RAVER1: variants seen among roughly 807,000 people sequenced by gnomAD.
RAVER1 encodes the protein ribonucleoprotein PTB-binding 1.
RAVER1 carries 36 observed loss-of-function variants against 68.4 expected under a neutral mutation model. The ratio of observed to expected loss-of-function variants is 0.53; its 90% CI spans 0.40 to 0.70. RAVER1 has a LOEUF of 0.70. Ranked by LOEUF, RAVER1 falls within the 30% of genes least tolerant of loss-of-function variation. RAVER1 has a pLI of 0.00. For missense variants in RAVER1, 933 were observed against 1,019.8 expected, an observed-to-expected ratio of 0.91 and a Z score of 1.16; for synonymous variants, 469 against 472.7, an observed-to-expected ratio of 0.99 and a Z score of 0.10.
In RAVER1 at chr19:10,320,655, C is replaced by T. The variant is rs770293462; in HGVS notation, c.1770G>A (p.Ser590=). 6.8e-5 allele frequency: 106 copies of T among 1,549,234 alleles called. No individual in the cohort carries two copies. In the East Asian group the frequency reaches 1.0e-3, roughly 15 times the overall value. Residue 590 remains serine (S), a splice_region_variant and synonymous_variant, in exon 9 of 13, where the codon TCG becomes TCA. Transcript: ENST00000617231. ...CAGAGAGCTGCAGCCAGGCACTCAC[C>T]GAGGGGTAGTCGAAGCTGTAGCTGT... ...LSDSYSFDYP[S]DMGPRRLFSH... is the part of the protein sequence containing the mutation.
rs1377348306 is a variant in RAVER1 at position 10,328,463 on chromosome 19, A to T, written c.756+179T>A. Among the ~76,000 whole-genome samples, 1 of 152,160 alleles carries T rather than the reference A, an allele frequency of 6.6e-6. No homozygotes were observed. The highest frequency in any genetic ancestry group is 1.5e-5 in the Non-Finnish European group (1 of 68,022). ...GCTACTCTGGAGGTTAAGGCAAGAG[A>T]ATTGCTTGAACCAAAGAGGCGGAGG... On this transcript the variant is annotated intron_variant, in intron 3 of 12. Coordinates refer to ENST00000617231, the MANE Select transcript of RAVER1 (RefSeq NM_133452.3). This position sits in a 1 kb window ranked among gnomAD's most constrained non-coding sequence, Gnocchi z 4.4.
chr19:10,328,729 G>C lies in RAVER1; in HGVS notation c.669C>G (p.Leu223=), dbSNP rs529363700. The change falls in exon 3 of 13, where the codon CTC becomes CTG. Residue 223 remains leucine, a synonymous_variant. Coordinates refer to ENST00000617231, the MANE Select transcript of RAVER1 (RefSeq NM_133452.3). The surrounding 1 kb of genome is among the most constrained non-coding windows in gnomAD (Gnocchi z 4.4). ...AGCCAGGTGGCAGGCGGTCCACACA[G>C]AGGCAGCGGGAGTGGAGAAGGGCAG... ...LTPALLHSRC[L]CVDRLPPGFN... The C allele has an allele frequency of 2.5e-5, 41 of 1,611,902 alleles. No homozygotes were observed. The Admixed American group carries it at 5.0e-4, about 20-fold the overall frequency.
In RAVER1 at chr19:10,321,071, C is replaced by T; in HGVS notation, c.1450G>A (p.Gly484Arg). The stretch of plus-strand genomic sequence containing the variant: ...ACCCCAGGGGGCGTCGGCAGAGGCC[C>T]ACTGTCTTTCTGGAGGCCTCTGAGG... ...SGLRGLQKDSGPLPTPPGVSL... is the reference protein window; with the variant it reads ...SGLRGLQKDSRPLPTPPGVSL... The change falls in exon 8 of 13, where the codon GGG becomes AGG. Residue 484 changes from glycine to arginine, a missense_variant. Coordinates refer to ENST00000617231, the MANE Select transcript of RAVER1 (RefSeq NM_133452.3). The T allele has an allele frequency of 7.3e-7, 1 of 1,366,530 alleles. No individual in the cohort carries two copies. The highest frequency in any genetic ancestry group is 2.0e-5 in the South Asian group (1 of 51,118). 84.7% of individuals were successfully genotyped at this position (1,366,530 alleles called of 1,614,324 possible).
chr19:10,333,233 C>A lies in RAVER1; in HGVS notation c.219+56G>T. The stretch of plus-strand genomic sequence containing the variant: ...AGCGTTGGTGTCGCCCGGTTCCCCC[C>A]GCGCACGCGCACCGTGGTATTTCCC... On this transcript the variant is annotated intron_variant, in intron 1 of 12. Transcript: ENST00000617231. The surrounding 1 kb of genome is among the most constrained non-coding windows in gnomAD (Gnocchi z 4.2). The A allele has an allele frequency of 6.5e-7, 1 of 1,526,808 alleles. No homozygotes were observed. Among genetic ancestry groups the A allele is most frequent in the South Asian group, 1.2e-5 (1 of 84,720 alleles). 94.6% of individuals were successfully genotyped at this position (1,526,808 alleles called of 1,614,324 possible).
chr19:10,321,882 G>A (rs2040440319), intron 6 of RAVER1: 1 of 306,150 alleles, frequency 3.3e-6, no homozygotes, highest in South Asian at 1.6e-4. Flanking sequence ...CACATGGAAT[G>A]GGACAGCCAC....
rs2040452204 is a variant in RAVER1, at chr19:10,323,325, C to G, written c.948+50G>C. The G allele has an allele frequency of 6.2e-7, 1 of 1,610,622 alleles. No homozygotes were observed. The highest frequency in any genetic ancestry group is 1.3e-5 in the African/African-American group (1 of 74,806). On this transcript the variant is annotated intron_variant, in intron 4 of 12. Transcript: ENST00000617231. The surrounding 1 kb of genome is among the most constrained non-coding windows in gnomAD (Gnocchi z 6.2). ...AGAGTGCCGCTGGGGCCCTGACATC[C>G]CCATGGGGCTCCCATCCCCACCCCG...
At position 10,317,617 on chromosome 19, in the gene RAVER1, G is replaced by T; in HGVS notation, c.2074-17C>A. ...CAGTGGGGTCTGGAGACAGAGGGCA[G>T]GGCGGGGCGGGTCAGGGGCCGCTGG... On this transcript the variant is annotated splice_polypyrimidine_tract_variant and intron_variant, in intron 12 of 12. Coordinates refer to ENST00000617231, the MANE Select transcript of RAVER1 (RefSeq NM_133452.3). This position sits in a 1 kb window ranked among gnomAD's most constrained non-coding sequence, Gnocchi z 4.3. 1 of 1,589,942 alleles carries T rather than the reference G, an allele frequency of 6.3e-7. No individual in the cohort carries two copies. Among genetic ancestry groups the T allele is most frequent in the Non-Finnish European group, 8.6e-7 (1 of 1,167,938 alleles).
intron 8 of RAVER1, 30 bp downstream of exon 8, chr19:10,321,018 T>C (rs1211396338): frequency 6.8e-7 from 1 of 1,468,578 alleles, no homozygotes; most frequent in South Asian, 1.5e-5. Context: ...AGGAGGCTGG[T>C]GTGGTGCCGC....
chr19:10,324,108 C>T (rs796090764), intron 3 of RAVER1, among the ~76,000 whole-genome samples: 1 of 150,168 alleles, frequency 6.7e-6, no homozygotes, highest in Non-Finnish European at 1.5e-5. Flanking sequence ...GGGCCGAGAT[C>T]GCGCCACTGC....
At chr19:10,318,587 C>T (rs1284806675) in intron 10 of RAVER1, among the ~76,000 whole-genome samples, 4 of 152,286 alleles carry the variant, frequency 2.6e-5, no homozygotes, top group South Asian at 2.1e-4. Flanking sequence ...CTCACACTCA[C>T]GACCTCAGGT....
intron 1 of RAVER1, among the ~76,000 whole-genome samples, chr19:10,331,684 C>CAAAAAAAAAAA (rs61614587): frequency 1.4e-5 from 1 of 73,314 alleles, no homozygotes; most frequent in Non-Finnish European, 2.4e-5. Flanking sequence ...GACTCCGTCT[C>CAAAAAAAAAAA]AAAAAAAAAA....
chr19:10,321,726 G>C, intron 6 of RAVER1, 108 bp from the exon 7 acceptor site: 1 of 827,710 alleles, frequency 1.2e-6, no homozygotes, highest in South Asian at 4.6e-5. Context: ...GGGCACGGCC[G>C]ATCCTGGGCA....
Position 10,317,489 on chromosome 19 carries a change from C to A in RAVER1, c.2185G>T (p.Ala729Ser), listed in dbSNP as rs757855682. The stretch of plus-strand genomic sequence containing the variant: ...CTCTTCCGCTTCAGGTAGGAGTCCG[C>A]GTAGTGGCCGCCGAGGCCCTGGGAG... ...QHSQGLGGHY[A>S]DSYLKRKRIF The change falls in exon 13 of 13, where the codon GCG becomes TCG. Residue 729 changes from alanine to serine, a missense_variant. By Grantham distance (99) the Ala-to-Ser change is moderately conservative. Transcript: ENST00000617231. This position sits in a 1 kb window ranked among gnomAD's most constrained non-coding sequence, Gnocchi z 4.3. 1.2e-6 allele frequency: 2 copies of A among 1,613,858 alleles called. No individual in the cohort carries two copies. Among genetic ancestry groups the A allele is most frequent in the South Asian group, 1.1e-5 (1 of 91,084 alleles).
At position 10,329,618 on chromosome 19, in the gene RAVER1, G is replaced by A. The variant is rs2040499556; in HGVS notation, c.287-507C>T. The stretch of plus-strand genomic sequence containing the variant: ...GAACCCAGGCAGCCGGACTCCAGAG[G>A]CCCACTCTACACACTGCCCACCCCT... On this transcript the variant is annotated intron_variant, in intron 2 of 12. Transcript: ENST00000617231. This position sits in a 1 kb window ranked among gnomAD's most constrained non-coding sequence, Gnocchi z 4.6. 6.6e-6 allele frequency among the ~76,000 whole-genome samples: 1 copy of A among 151,628 alleles called. No individual in the cohort carries two copies. The highest frequency in any genetic ancestry group is 2.4e-5 in the African/African-American group (1 of 41,334).
chr19:10,318,146 G>A lies in RAVER1; in HGVS notation c.1989+83C>T, dbSNP rs890755948. ...CCACCCCAGCTTTGGCCTGGGCACCGAGGGTTACAGAGCCCCGGTGGCAGG... is the reference window on the plus strand; with the variant it reads ...CCACCCCAGCTTTGGCCTGGGCACCAAGGGTTACAGAGCCCCGGTGGCAGG... On this transcript the variant is annotated intron_variant, in intron 11 of 12. Coordinates refer to ENST00000617231, the MANE Select transcript of RAVER1 (RefSeq NM_133452.3). 106 of 1,284,098 alleles carry A rather than the reference G, an allele frequency of 8.3e-5. 1 individual carries two copies. The African/African-American group carries it at 8.9e-4, about 11-fold the overall frequency. 79.5% of individuals were successfully genotyped at this position (1,284,098 alleles called of 1,614,324 possible). A position where few individuals can be genotyped will look rare whatever the true frequency, so the allele number is the denominator to read the frequency against.
chr19:10,323,604 A>G lies in RAVER1; in HGVS notation c.757-38T>C, dbSNP rs1568311793. 1 of 1,545,276 alleles carries G rather than the reference A, an allele frequency of 6.5e-7. No individual in the cohort carries two copies. The highest frequency in any genetic ancestry group is 2.3e-5 in the East Asian group (1 of 44,174). On this transcript the variant is annotated intron_variant, in intron 3 of 12. Coordinates refer to ENST00000617231, the MANE Select transcript of RAVER1 (RefSeq NM_133452.3). The surrounding 1 kb of genome is among the most constrained non-coding windows in gnomAD (Gnocchi z 6.2). ...GGCAGGCAGTCATGAGCATCTGGGCAGCAGTGACTGCACCACCCCGGGAAG... is the reference window on the plus strand; with the variant it reads ...GGCAGGCAGTCATGAGCATCTGGGCGGCAGTGACTGCACCACCCCGGGAAG...
chr19:10,322,516 C>T lies in RAVER1; in HGVS notation c.1173+129G>A, dbSNP rs969010122. On this transcript the variant is annotated intron_variant, in intron 6 of 12. Transcript: ENST00000617231. This position sits in a 1 kb window ranked among gnomAD's most constrained non-coding sequence, Gnocchi z 4.3. ...GGGAAAGGCAGGGGTTTGGGGGAGT[C>T]GCCCTCACCCTGGTTCTGCGCCCCC... 5 of 627,976 alleles carry T rather than the reference C, an allele frequency of 8.0e-6. No individual in the cohort carries two copies. Among genetic ancestry groups the T allele is most frequent in the South Asian group, 4.2e-5 (2 of 47,400 alleles). The allele number at this position is 627,976 out of a possible 1,614,324, so 38.9% of individuals were successfully genotyped here.
chr19:10,322,707 G>T lies in RAVER1; in HGVS notation c.1111C>A (p.Leu371Ile). The change falls in exon 6 of 13, where the codon CTC (leucine) becomes ATC (isoleucine). Residue 371 changes from leucine (L) to isoleucine (I), a missense_variant. By Grantham distance (5) the Leu-to-Ile change is conservative. Coordinates refer to ENST00000617231, the MANE Select transcript of RAVER1 (RefSeq NM_133452.3). The surrounding 1 kb of genome is among the most constrained non-coding windows in gnomAD (Gnocchi z 4.3). ...GCCGTGGACAGGGCTGGCCCATTGA[G>T]CAGCGGCATGGCTGGGGGGGCACCC... Reference protein sequence around the residue: ...LLGAPPAMPLLNGPALSTALL... With the variant: ...LLGAPPAMPLINGPALSTALL... 1 of 1,526,468 alleles carries T rather than the reference G, an allele frequency of 6.6e-7. No homozygotes were observed. Among genetic ancestry groups the T allele is most frequent in the East Asian group, 2.5e-5 (1 of 39,712 alleles). The allele number at this position is 1,526,468 out of a possible 1,614,324, so 94.6% of individuals were successfully genotyped here.
chr19:10,321,252 G>A lies in RAVER1; in HGVS notation c.1269C>T (p.Gly423=), dbSNP rs2040435741. 2.4e-6 allele frequency: 3 copies of A among 1,276,244 alleles called. No homozygotes were observed. The highest frequency in any genetic ancestry group is 3.0e-5 in the South Asian group (1 of 33,232). The allele number at this position is 1,276,244 out of a possible 1,614,324, so 79.1% of individuals were successfully genotyped here. Residue 423 remains glycine, a synonymous_variant, in exon 8 of 13, where the codon GGC becomes GGT. Coordinates refer to ENST00000617231, the MANE Select transcript of RAVER1 (RefSeq NM_133452.3). ...GCCGGGGCGGCAGCTCCGGGGGCAG[G>A]CCCCCTCCTAGGGAGGGAAGGAGGA... ...PLLGELPAGG[G]LPPELPPRRG...
Sources: gnomAD v4.1 joint callset for allele counts (sites outside exome capture counted in the v4.1 genomes callset) on GRCh38, gnomAD v4.1.1 for gene constraint, Gnocchi (gnomAD v3.1) non-coding constraint, MANE v1.5 for transcripts, NCBI Gene and HGNC (gene_info 2026-07-23, HGNC 2026-07-21) for gene names.